Variants in ABR observed in about 807,000 individuals in gnomAD.
ABR encodes active breakpoint cluster region-related protein.
In ABR, 35 loss-of-function variants were observed where a neutral mutation model predicts 107.2. The ratio of observed to expected loss-of-function variants is 0.33; its 90% CI spans 0.25 to 0.43. The LOEUF (loss-of-function observed/expected upper bound fraction) is 0.43. Among genes scored for constraint, ABR ranks in the 20% least tolerant of loss-of-function variants. The pLI, the probability that ABR is intolerant of heterozygous loss-of-function variation, is 1.00. For synonymous variants in ABR, 498 were observed against 462.0 expected (o/e 1.08, Z -1.00); for missense variants, 815 against 1,115.2 (o/e 0.73, Z 3.83).
chr17:1,036,648 C>CA (rs753267017), intron 16 of ABR, among the ~76,000 whole-genome samples: 2 of 150,592 alleles, frequency 1.3e-5, no homozygotes, highest in African/African-American at 2.5e-5. Context: ...CCAGCGCCCA[C>CA]ACAGGGCGTG....
In ABR at chr17:1,005,446, A is replaced by C; in HGVS notation, c.*634T>G. On this transcript the variant is annotated 3_prime_UTR_variant, in exon 23 of 23. Coordinates refer to ENST00000302538, the MANE Select transcript of ABR (RefSeq NM_021962.5). The stretch of plus-strand genomic sequence containing the variant: ...GCAAGGCAAAGCAGGTGTGCTCCCA[A>C]AGGCGGAGTCTGAGGAGGGGCCGGC... 1 of 307,822 alleles carries C rather than the reference A, an allele frequency of 3.2e-6. No homozygotes were observed. The highest frequency in any genetic ancestry group is 5.9e-6 in the Non-Finnish European group (1 of 168,734). The allele number at this position is 307,822 out of a possible 1,614,324, so 19.1% of individuals were successfully genotyped here.
At chr17:1,161,400 C>T (rs931183068) in intron 1 of ABR, among the ~76,000 whole-genome samples, 1 of 119,308 alleles carries the variant, frequency 8.4e-6, no homozygotes, top group South Asian at 2.7e-4. Context: ...TTCCACCACA[C>T]CTGGCTAATT....
At chr17:1,032,730 G>C (rs1402253860) in intron 16 of ABR, among the ~76,000 whole-genome samples, 1 of 152,172 alleles carries the variant, frequency 6.6e-6, no homozygotes, top group East Asian at 1.9e-4. Context: ...GCAGAGACTA[G>C]GACACAAATT....
Position 1,089,499 on chromosome 17 carries a change from G to T in ABR, c.531+2166C>A, listed in dbSNP as rs2036872376. Among the ~76,000 whole-genome samples the T allele has an allele frequency of 3.3e-5, 5 of 152,200 alleles. 1 individual carries two copies. The South Asian group carries it at 1.0e-3, about 32-fold the overall frequency. On this transcript the variant is annotated intron_variant, in intron 4 of 22. Transcript: ENST00000302538. ...GGATTCAAGCCCACTTTGTGACACGGCTCTAGAAGCTGTGCTGGAGAAACA... is the reference window on the plus strand; with the variant it reads ...GGATTCAAGCCCACTTTGTGACACGTCTCTAGAAGCTGTGCTGGAGAAACA...
intron 16 of ABR, chr17:1,031,753 C>T: frequency 2.4e-6 from 3 of 1,227,592 alleles, no homozygotes; most frequent in South Asian, 3.7e-5. Context: ...CCGGGGGGGA[C>T]GGGACGCGGC....
At position 1,211,151 on chromosome 17, in the gene ABR, C is replaced by CT. The variant is rs1240019808; in HGVS notation, c.838+17641_838+17642insA. Among the ~76,000 whole-genome samples, 3 of 152,102 alleles carry CT rather than the reference C, an allele frequency of 2.0e-5. No homozygotes were observed. In the East Asian group the frequency reaches 5.8e-4, roughly 29 times the overall value. On this transcript the variant is annotated intron_variant, in intron 1 of 22. Coordinates refer to the ABR transcript ENST00000574139. Reference sequence around the variant, plus strand: ...AAAATTAGCCAGGCGTGGTGGCAGACGCCCATAGTCCCAGCTACTCAGGAG... The same window carrying CT: ...AAAATTAGCCAGGCGTGGTGGCAGACTGCCCATAGTCCCAGCTACTCAGGAG...
intron 1 of ABR, among the ~76,000 whole-genome samples, chr17:1,205,987 G>A (rs774065632): frequency 1.5e-4 from 22 of 149,438 alleles, no homozygotes; most frequent in Admixed American, 2.0e-4. Flanking sequence ...GTGGTGGCGC[G>A]CACCTGTAGT....
chr17:1,031,880 CTCCCTCCCTCCCTCCGTCCGCG>C, intron 16 of ABR: 1 of 1,068,826 alleles, frequency 9.4e-7, no homozygotes, highest in Non-Finnish European at 1.2e-6. Flanking sequence ...CCGCGCTCCC[CTCCCTCCCTCCCTCCGTCCGCG>C]TCCCTCCTCC....
chr17:1,009,642 G>A lies in ABR; in HGVS notation c.2342+37C>T, dbSNP rs746526916. ...CTCCCCGTTACCTTTTCATGAGGAG[G>A]GACTGAGGAGGTGGGGTTGGGGCCG... On this transcript the variant is annotated intron_variant, in intron 21 of 22. Transcript: ENST00000302538. The A allele has an allele frequency of 1.3e-5, 21 of 1,559,266 alleles. No homozygotes were observed. The Middle Eastern group carries it at 8.4e-4, about 62-fold the overall frequency.
At chr17:1,006,214 C>T (rs1597323154) in intron 22 of ABR, 45 bp from the exon 23 acceptor site, 1 of 1,486,474 alleles carries the variant, frequency 6.7e-7, no homozygotes, top group Non-Finnish European at 9.2e-7. Context: ...CTGTCCTAGG[C>T]CTCGTCCTTG....
intron 16 of ABR, among the ~76,000 whole-genome samples, chr17:1,039,215 G>C (rs1390319786): frequency 6.6e-6 from 1 of 152,280 alleles, no homozygotes; most frequent in African/African-American, 2.4e-5. Flanking sequence ...AGGCGGGTCA[G>C]GGGGAGCGGG....
chr17:1,124,674 G>A (rs1055793623), intron 2 of ABR, among the ~76,000 whole-genome samples: 1 of 152,242 alleles, frequency 6.6e-6, no homozygotes, highest in Non-Finnish European at 1.5e-5. Flanking sequence ...ACAAGGAGAG[G>A]TGGATGCCAT....
At chr17:1,171,295 G>A (rs369903326) in intron 1 of ABR, among the ~76,000 whole-genome samples, 1 of 152,172 alleles carries the variant, frequency 6.6e-6, no homozygotes, top group Non-Finnish European at 1.5e-5. Context: ...GGAGGAAGGG[G>A]TTAGCCCAGA....
chr17:1,012,033 C>T (rs769510190), intron 18 of ABR, 48 bp from the exon 19 acceptor site: 7 of 1,607,376 alleles, frequency 4.4e-6, no homozygotes, highest in Admixed American at 3.3e-5. Context: ...CACGACAGCT[C>T]TCCCGTAGCA....
At chr17:1,014,045 G>C (rs957534832) in intron 16 of ABR, among the ~76,000 whole-genome samples, 1 of 152,222 alleles carries the variant, frequency 6.6e-6, no homozygotes, top group Admixed American at 6.5e-5. Flanking sequence ...CCAAAATCAT[G>C]TCAATATTGC....
At chr17:1,043,087 G>A (rs2259905) in intron 16 of ABR, among the ~76,000 whole-genome samples, 54,496 of 151,968 alleles carry the variant, frequency 0.36, 10,356 homozygotes, top group East Asian at 0.65. Flanking sequence ...TTCGGCTGGG[G>A]AGGGCCAACA....
chr17:1,033,361 C>T (rs568475223), intron 16 of ABR, among the ~76,000 whole-genome samples: 1 of 152,210 alleles, frequency 6.6e-6, no homozygotes, highest in Admixed American at 6.5e-5. Flanking sequence ...CTTACCCCTC[C>T]CAACTGTATG....
intron 16 of ABR, among the ~76,000 whole-genome samples, chr17:1,029,311 A>AC (rs906858109): frequency 6.7e-6 from 1 of 149,760 alleles, no homozygotes; most frequent in Admixed American, 6.7e-5. Context: ...AACCACAGGG[A>AC]CCCCCGCTGG....
chr17:1,155,560 A>G (rs1280132389), intron 1 of ABR, among the ~76,000 whole-genome samples: 2 of 152,322 alleles, frequency 1.3e-5, no homozygotes, highest in South Asian at 2.1e-4. Flanking sequence ...GCACGTCATC[A>G]ATGAACACTT....
Sources: gnomAD v4.1 joint callset for allele counts (sites outside exome capture counted in the v4.1 genomes callset) on GRCh38, gnomAD v4.1.1 for gene constraint, MANE v1.5 for transcripts, NCBI Gene and HGNC (gene_info 2026-07-23, HGNC 2026-07-21) for gene names.